SLC8A1: variants seen among roughly 807,000 people sequenced by gnomAD.
SLC8A1 encodes sodium/calcium exchanger 1.
Under a neutral mutation model 68.3 loss-of-function variants are expected in SLC8A1, and 18 were observed. The observed-to-expected ratio is 0.26, with a 90% CI of 0.18 to 0.39. The LOEUF (loss-of-function observed/expected upper bound fraction) is 0.39, where lower values mean the gene tolerates loss of function less well. Ranked by LOEUF, SLC8A1 falls within the 10% of genes least tolerant of loss-of-function variation. SLC8A1 has a pLI of 1.00. For missense variants in SLC8A1, 985 were observed against 1,156.7 expected, an observed-to-expected ratio of 0.85 and a Z score of 2.15; for synonymous variants, 475 against 415.5, an observed-to-expected ratio of 1.14 and a Z score of -1.74.
At chr2:40,379,583 G>T (rs1681043863) in intron 2 of SLC8A1, among the ~76,000 whole-genome samples, 1 of 151,610 alleles carries the variant, frequency 6.6e-6, no homozygotes, top group Non-Finnish European at 1.5e-5. Flanking sequence ...TGACTATGTT[G>T]TGCAGCCATT....
At chr2:40,157,809 G>T (rs148180256) in intron 6 of SLC8A1, among the ~76,000 whole-genome samples, 2 of 152,298 alleles carry the variant, frequency 1.3e-5, no homozygotes, top group African/African-American at 4.8e-5. Flanking sequence ...GAAACAGAAG[G>T]AGAACTGCCA....
chr2:40,155,860 G>A (rs2044375190), intron 6 of SLC8A1, among the ~76,000 whole-genome samples: 2 of 152,128 alleles, frequency 1.3e-5, no homozygotes, highest in South Asian at 4.1e-4. Context: ...GCTGTGAAAT[G>A]TAGTGAGTGT....
Position 40,344,631 on chromosome 2 carries a change from A to G in SLC8A1, c.1808+83842T>C, listed in dbSNP as rs528957636. ...CTGTTGAGAATAACCAGTCCTATGA[A>G]GTAATATTTAAATGCTGTGAAAAAA... On this transcript the variant is annotated intron_variant, in intron 2 of 7. Transcript: ENST00000406785. Among the ~76,000 whole-genome samples the G allele has an allele frequency of 5.9e-5, 9 of 152,312 alleles. No homozygotes were observed. In the East Asian group the frequency reaches 1.5e-3, roughly 26 times the overall value.
intron 2 of SLC8A1, among the ~76,000 whole-genome samples, chr2:40,383,698 T>C (rs1326692094): frequency 1.3e-5 from 2 of 152,122 alleles, no homozygotes; most frequent in African/African-American, 4.8e-5. Flanking sequence ...TAAGTAGTTG[T>C]CACTTAAATC....
At chr2:40,122,243 C>CAG (rs72003687) in intron 7 of SLC8A1, among the ~76,000 whole-genome samples, 1 of 151,806 alleles carries the variant, frequency 6.6e-6, no homozygotes, top group Non-Finnish European at 1.5e-5. Context: ...CGCGCACACA[C>CAG]ACACACACAC....
intron 2 of SLC8A1, among the ~76,000 whole-genome samples, chr2:40,230,420 T>C (rs1295541098): frequency 3.3e-5 from 5 of 152,158 alleles, no homozygotes. Flanking sequence ...AGGATGGCTT[T>C]CATTATAACA....
intron 1 of SLC8A1, among the ~76,000 whole-genome samples, chr2:40,458,301 T>C (rs1199638355): frequency 6.6e-6 from 1 of 152,136 alleles, no homozygotes; most frequent in Admixed American, 6.5e-5. Context: ...GTAATGTAAT[T>C]CACCTGACAT....
At chr2:40,329,529 C>G (rs901879648) in intron 2 of SLC8A1, among the ~76,000 whole-genome samples, 2 of 152,170 alleles carry the variant, frequency 1.3e-5, no homozygotes, top group African/African-American at 4.8e-5. Flanking sequence ...TCCTCATTCA[C>G]AGATGTGAGG....
At chr2:40,509,724 T>C (rs1706592152) in intron 1 of SLC8A1, among the ~76,000 whole-genome samples, 1 of 152,230 alleles carries the variant, frequency 6.6e-6, no homozygotes, top group South Asian at 2.1e-4. Flanking sequence ...TCCATGCTAT[T>C]TGGAATTATT....
intron 1 of SLC8A1, among the ~76,000 whole-genome samples, chr2:40,490,830 A>T (rs968999127): frequency 3.3e-5 from 5 of 152,114 alleles, no homozygotes; most frequent in African/African-American, 1.2e-4. Context: ...TCCAGTTGGA[A>T]CATACGGGAA....
chr2:40,165,231 A>G (rs2046347202), intron 4 of SLC8A1, among the ~76,000 whole-genome samples: 1 of 152,170 alleles, frequency 6.6e-6, no homozygotes, highest in African/African-American at 2.4e-5. Context: ...GTTGAGGAAA[A>G]GTAATGTATG....
chr2:40,388,428 G>A (rs1001128880), intron 2 of SLC8A1, among the ~76,000 whole-genome samples: 2 of 152,052 alleles, frequency 1.3e-5, no homozygotes, highest in Non-Finnish European at 2.9e-5. Flanking sequence ...AGTGACTAAT[G>A]ATAGAGAAAA....
chr2:40,314,787 T>A (rs1478511017), intron 2 of SLC8A1, among the ~76,000 whole-genome samples: 1 of 152,082 alleles, frequency 6.6e-6, no homozygotes, highest in Non-Finnish European at 1.5e-5. Context: ...GTTTTTCTAA[T>A]ATCAGTTTGC....
chr2:40,309,529 C>T (rs377109571), intron 2 of SLC8A1, among the ~76,000 whole-genome samples: 7 of 127,680 alleles, frequency 5.5e-5, no homozygotes, highest in African/African-American at 1.1e-4. Flanking sequence ...TTTTGTGAGA[C>T]GGAGTCTCGC....
intron 1 of SLC8A1, among the ~76,000 whole-genome samples, chr2:40,445,381 T>C (rs1701257415): frequency 1.3e-5 from 2 of 152,112 alleles, no homozygotes; most frequent in African/African-American, 4.8e-5. Flanking sequence ...GAATCCTTAT[T>C]AGACATTCAG....
chr2:40,306,967 C>T (rs749604843), intron 2 of SLC8A1, among the ~76,000 whole-genome samples: 2 of 151,684 alleles, frequency 1.3e-5, no homozygotes, highest in Non-Finnish European at 2.9e-5. Flanking sequence ...TGTTTTAGTC[C>T]ATAAGTTGAA....
chr2:40,194,903 C>T (rs568718702), intron 2 of SLC8A1, among the ~76,000 whole-genome samples: 9 of 152,010 alleles, frequency 5.9e-5, no homozygotes, highest in African/African-American at 1.9e-4. Flanking sequence ...AGGTCCATTC[C>T]GAAGAAACAA....
chr2:40,203,143 T>C (rs756923861), intron 2 of SLC8A1, among the ~76,000 whole-genome samples: 7 of 151,986 alleles, frequency 4.6e-5, no homozygotes, highest in Non-Finnish European at 1.0e-4. Context: ...AACTGGCTAA[T>C]GCTAGTGCTG....
rs949495975 is a variant in SLC8A1, at chr2:40,362,865, T to C, written c.1808+65608A>G. Among the ~76,000 whole-genome samples the C allele has an allele frequency of 3.8e-4, 58 of 152,158 alleles. 1 individual carries two copies. The highest frequency in any genetic ancestry group is 1.2e-4 in the African/African-American group (5 of 41,442). ...TAAACTGAACTTGTACTTCTGTGGA[T>C]TTCTTGGGAATGCTCAGAGTGACCT... On this transcript the variant is annotated intron_variant, in intron 2 of 7. Transcript: ENST00000406785.
Sources: gnomAD v4.1 joint callset for allele counts (sites outside exome capture counted in the v4.1 genomes callset) on GRCh38, gnomAD v4.1.1 for gene constraint, MANE v1.5 for transcripts, NCBI Gene and HGNC (gene_info 2026-07-23, HGNC 2026-07-21) for gene names.